CNNM2: variants seen among roughly 807,000 people sequenced by gnomAD.
CNNM2 encodes cyclin and CBS domain divalent metal cation transport mediator 2, also known as metal transporter CNNM2.
In CNNM2, 12 loss-of-function variants were observed where a neutral mutation model predicts 66.9. The observed-to-expected ratio is 0.18, with a 90% CI of 0.11 to 0.29. The LOEUF (loss-of-function observed/expected upper bound fraction) is 0.29, where lower values mean the gene tolerates loss of function less well. Ranked by LOEUF, CNNM2 falls within the 10% of genes least tolerant of loss-of-function variation. The pLI is 1.00. For missense variants in CNNM2, 705 were observed against 1,167.7 expected (o/e 0.60, Z 5.77); for synonymous variants, 557 against 501.8 (o/e 1.11, Z -1.47).
In CNNM2 at chr10:103,077,484, T is replaced by G; in HGVS notation, c.*304T>G. ...CCTTTTATCATTATTCACACTCCTCTGCCCTCGATTTGCATGAAGTTGAAA... is the reference window on the plus strand; with the variant it reads ...CCTTTTATCATTATTCACACTCCTCGGCCCTCGATTTGCATGAAGTTGAAA... On this transcript the variant is annotated 3_prime_UTR_variant, in exon 8 of 8. Coordinates refer to ENST00000369878, the MANE Select transcript of CNNM2 (RefSeq NM_017649.5). The G allele has an allele frequency of 2.7e-6, 1 of 366,650 alleles. No individual in the cohort carries two copies. Among genetic ancestry groups the G allele is most frequent in the Non-Finnish European group, 5.0e-6 (1 of 200,860 alleles). The allele number at this position is 366,650 out of a possible 1,614,324, so 22.7% of individuals were successfully genotyped here. A position where few individuals can be genotyped will look rare whatever the true frequency, so the allele number is the denominator to read the frequency against.
intron 1 of CNNM2, among the ~76,000 whole-genome samples, chr10:103,003,265 C>T (rs1272533505): frequency 6.6e-6 from 1 of 151,894 alleles, no homozygotes; most frequent in Non-Finnish European, 1.5e-5. Flanking sequence ...ACGCACGAGC[C>T]ACCATACCTG....
In CNNM2 at chr10:103,090,060, C is replaced by A. The variant is rs1590575003; in HGVS notation, c.*12880C>A. 2.2e-5 allele frequency: 12 copies of A among 537,904 alleles called. No individual in the cohort carries two copies. The East Asian group carries it at 3.7e-4, about 17-fold the overall frequency. The allele number at this position is 537,904 out of a possible 1,614,324, so 33.3% of individuals were successfully genotyped here. A position where few individuals can be genotyped will look rare whatever the true frequency, so the allele number is the denominator to read the frequency against. ...ATATAGACTTATCTTCATAGAACTA[C>A]TTATAGTTGCCTGTCTTCCTCTCTC... On this transcript the variant is annotated 3_prime_UTR_variant, in exon 8 of 8. Coordinates refer to ENST00000369878, the MANE Select transcript of CNNM2 (RefSeq NM_017649.5).
chr10:102,927,271 T>C, intron 1 of CNNM2: 2 of 1,598,690 alleles, frequency 1.3e-6, no homozygotes, highest in Non-Finnish European at 1.7e-6. Context: ...AACTCAAACA[T>C]GTGGAAGTGG....
chr10:102,978,319 G>A (rs991623625), intron 1 of CNNM2, among the ~76,000 whole-genome samples: 1 of 147,926 alleles, frequency 6.8e-6, no homozygotes, highest in Non-Finnish European at 1.5e-5. Flanking sequence ...ATCTATACTT[G>A]CTGCCATCAT....
chr10:103,084,451 G>A lies in CNNM2; in HGVS notation c.*7271G>A, dbSNP rs149637670. The A allele has an allele frequency of 5.9e-5, 9 of 152,320 alleles. No homozygotes were observed. In the East Asian group the frequency reaches 1.7e-3, roughly 29 times the overall value. 9.4% of individuals were successfully genotyped at this position (152,320 alleles called of 1,614,324 possible). A position where few individuals can be genotyped will look rare whatever the true frequency, so the allele number is the denominator to read the frequency against. On this transcript the variant is annotated 3_prime_UTR_variant, in exon 8 of 8. Coordinates refer to ENST00000369878, the MANE Select transcript of CNNM2 (RefSeq NM_017649.5). ...GAAATGCTGTCTTCGAACCCTGCTT[G>A]CTTTCATTAGAAGCAGGGCAGAAAG... is the stretch of plus-strand genomic sequence containing the variant.
intron 1 of CNNM2, among the ~76,000 whole-genome samples, chr10:102,971,112 T>A (rs187303511): frequency 1.3e-4 from 20 of 151,580 alleles, no homozygotes; most frequent in African/African-American, 4.6e-4. Context: ...GGTGGGAGGA[T>A]CCCTTGAGCC....
At chr10:102,956,778 C>G (rs761336617) in intron 1 of CNNM2, among the ~76,000 whole-genome samples, 1 of 151,942 alleles carries the variant, frequency 6.6e-6, no homozygotes, top group Non-Finnish European at 1.5e-5. Context: ...AATGAGAACA[C>G]TTGGACACAG....
At chr10:103,036,567 CA>C (rs886762304) in intron 1 of CNNM2, among the ~76,000 whole-genome samples, 1 of 152,184 alleles carries the variant, frequency 6.6e-6, no homozygotes, top group African/African-American at 2.4e-5. Flanking sequence ...TGTGCCTCTG[CA>C]GACGTTTATC....
chr10:103,078,400 T>TC lies in CNNM2; in HGVS notation c.*1222dup, dbSNP rs1007951142. On this transcript the variant is annotated 3_prime_UTR_variant, in exon 8 of 8. Coordinates refer to ENST00000369878, the MANE Select transcript of CNNM2 (RefSeq NM_017649.5). ...GTCCCCTGCCTGAGGGCTCTGTGCC[T>TC]CCTGCCTCAGATGCGGCCTGTGCCA... 2 of 152,370 alleles carry TC rather than the reference T, an allele frequency of 1.3e-5. No homozygotes were observed. The highest frequency in any genetic ancestry group is 1.3e-4 in the Admixed American group (2 of 15,308). The allele number at this position is 152,370 out of a possible 1,614,324, so 9.4% of individuals were successfully genotyped here.
chr10:102,970,211 G>A (rs931505956), intron 1 of CNNM2, among the ~76,000 whole-genome samples: 8 of 152,212 alleles, frequency 5.3e-5, no homozygotes, highest in African/African-American at 1.9e-4. Flanking sequence ...AGCTACTTGG[G>A]AGGTTGAGGT....
Position 103,087,739 on chromosome 10 carries a change from C to T in CNNM2, c.*10559C>T, listed in dbSNP as rs2065860950. 6.6e-6 allele frequency: 1 copy of T among 152,168 alleles called. No individual in the cohort carries two copies. The highest frequency in any genetic ancestry group is 2.4e-5 in the African/African-American group (1 of 41,430). 9.4% of individuals were successfully genotyped at this position (152,168 alleles called of 1,614,324 possible). On this transcript the variant is annotated 3_prime_UTR_variant, in exon 8 of 8. Transcript: ENST00000369878. The stretch of plus-strand genomic sequence containing the variant: ...AGGATGACCACACATTCTCCTAACA[C>T]GGGCAACAGTCTAGTCTAATTGTTA...
intron 1 of CNNM2, among the ~76,000 whole-genome samples, chr10:102,971,160 T>C: frequency 6.7e-6 from 1 of 149,698 alleles, no homozygotes; most frequent in Admixed American, 6.6e-5. Context: ...GATTGTGCCA[T>C]TTACACAATC....
chr10:103,089,733 TG>T lies in CNNM2; in HGVS notation c.*12559del, dbSNP rs1385107002. ...TTCGTCATGGCAGTGTGTAATTTCCTGGGGGGCCAGTGGGAAGAGGTTGGGA... is the reference window on the plus strand; with the variant it reads ...TTCGTCATGGCAGTGTGTAATTTCCTGGGGGCCAGTGGGAAGAGGTTGGGA... On this transcript the variant is annotated 3_prime_UTR_variant, in exon 8 of 8. Coordinates refer to ENST00000369878, the MANE Select transcript of CNNM2 (RefSeq NM_017649.5). 2 of 1,613,562 alleles carry T rather than the reference TG, an allele frequency of 1.2e-6. No homozygotes were observed. The highest frequency in any genetic ancestry group is 1.7e-6 in the Non-Finnish European group (2 of 1,179,834).
At chr10:102,987,004 G>A (rs544843143) in intron 1 of CNNM2, among the ~76,000 whole-genome samples, 1 of 152,176 alleles carries the variant, frequency 6.6e-6, no homozygotes, top group East Asian at 1.9e-4. Context: ...TTCTGCTGAT[G>A]GTTAGTAAGA....
chr10:103,029,068 C>T lies in CNNM2; in HGVS notation c.1622-20639C>T, dbSNP rs182562375. ...AACCCCTGACCTCAAATGATCCACC[C>T]GCCTCGGCCTCCCAAAATGCTGGGA... On this transcript the variant is annotated intron_variant, in intron 1 of 7. Transcript: ENST00000369878. Among the ~76,000 whole-genome samples the T allele has an allele frequency of 6.2e-3, 937 of 151,786 alleles. 14 individuals carry two copies. The highest frequency in any genetic ancestry group is 0.021 in the African/African-American group (886 of 41,440).
chr10:103,070,797 G>A (rs983726701), intron 5 of CNNM2, among the ~76,000 whole-genome samples: 10 of 152,132 alleles, frequency 6.6e-5, no homozygotes, highest in Non-Finnish European at 1.2e-4. Context: ...AGGCATGGTG[G>A]CACATGCCTG....
chr10:103,066,101 C>T (rs374973175), intron 4 of CNNM2, among the ~76,000 whole-genome samples: 14 of 152,292 alleles, frequency 9.2e-5, no homozygotes, highest in African/African-American at 3.1e-4. Flanking sequence ...GCCTTGAGCA[C>T]CTTGAGGCCC....
chr10:102,961,024 C>T (rs1429543547), intron 1 of CNNM2, among the ~76,000 whole-genome samples: 5 of 151,584 alleles, frequency 3.3e-5, no homozygotes, highest in East Asian at 1.9e-4. Flanking sequence ...ATTACAGGCA[C>T]GCACCACCAC....
chr10:103,016,378 T>C (rs1295428859), intron 1 of CNNM2, among the ~76,000 whole-genome samples: 1 of 152,136 alleles, frequency 6.6e-6, no homozygotes, highest in East Asian at 1.9e-4. Context: ...TTTCAAAATA[T>C]TGAAAAGATT....
Sources: gnomAD v4.1 joint callset for allele counts (sites outside exome capture counted in the v4.1 genomes callset) on GRCh38, gnomAD v4.1.1 for gene constraint, MANE v1.5 for transcripts, NCBI Gene and HGNC (gene_info 2026-07-23, HGNC 2026-07-21) for gene names.